Variants in TPR observed in about 807,000 individuals in gnomAD.
TPR encodes translocated promoter region, nuclear basket protein, also known as nucleoprotein TPR.
A neutral mutation model predicts 316.1 loss-of-function variants in TPR; 51 were observed. The ratio of observed to expected loss-of-function variants is 0.16; its 90% CI spans 0.13 to 0.20. The LOEUF (loss-of-function observed/expected upper bound fraction) is 0.20. Among genes scored for constraint, TPR ranks in the 10% least tolerant of loss-of-function variants. The pLI is 1.00. For missense variants in TPR, 2,272 were observed against 2,754.8 expected (o/e 0.82, Z 3.92); for synonymous variants, 981 against 914.7 (o/e 1.07, Z -1.31).
chr1:186,375,212 G>C lies in TPR; in HGVS notation c.-184C>G, dbSNP rs960639566. ...CTGGGAAATCGAGTCCACCCTCAGCGGCAGCGTTTCAGCAACAGCACCTCA... is the reference window on the plus strand; with the variant it reads ...CTGGGAAATCGAGTCCACCCTCAGCCGCAGCGTTTCAGCAACAGCACCTCA... On this transcript the variant is annotated 5_prime_UTR_variant, in exon 1 of 51. Coordinates refer to ENST00000367478, the MANE Select transcript of TPR (RefSeq NM_003292.3). 34 of 1,494,940 alleles carry C rather than the reference G, an allele frequency of 2.3e-5. No individual in the cohort carries two copies. The highest frequency in any genetic ancestry group is 2.8e-5 in the Non-Finnish European group (31 of 1,120,612). 92.6% of individuals were successfully genotyped at this position (1,494,940 alleles called of 1,614,324 possible).
chr1:186,321,661 G>A (rs528680551), intron 45 of TPR, among the ~76,000 whole-genome samples: 25 of 152,238 alleles, frequency 1.6e-4, no homozygotes, highest in South Asian at 6.2e-4. Context: ...AATATCATCC[G>A]CGTTAAATCA....
chr1:186,325,902 T>TA (rs747523248), intron 41 of TPR, 48 bp from the exon 42 acceptor site: 11 of 1,594,420 alleles, frequency 6.9e-6, no homozygotes, highest in Non-Finnish European at 7.7e-6. Context: ...ATAAATATGT[T>TA]AAAAAAACCG....
At chr1:186,314,808 T>C (rs1006130208) in intron 49 of TPR, 84 bp from the exon 50 acceptor site, 2 of 793,870 alleles carry the variant, frequency 2.5e-6, no homozygotes, top group Admixed American at 5.0e-5. Context: ...ACTAAATGAA[T>C]GAATGAATAA....
chr1:186,353,920 A>G lies in TPR; in HGVS notation c.2172-70T>C. On this transcript the variant is annotated intron_variant, in intron 17 of 50. Transcript: ENST00000367478. ...TAGCTTAATCCCTTGAAGAAATTTCACAATAGCTTAACCCATTTCCCCAAA... is the reference window on the plus strand; with the variant it reads ...TAGCTTAATCCCTTGAAGAAATTTCGCAATAGCTTAACCCATTTCCCCAAA... 2.1e-6 allele frequency: 3 copies of G among 1,444,496 alleles called. No individual in the cohort carries two copies. The South Asian group carries it at 3.9e-5, about 19-fold the overall frequency. 89.5% of individuals were successfully genotyped at this position (1,444,496 alleles called of 1,614,324 possible).
At chr1:186,372,167 G>A (rs1023961270) in intron 2 of TPR, among the ~76,000 whole-genome samples, 1 of 152,216 alleles carries the variant, frequency 6.6e-6, no homozygotes, top group Non-Finnish European at 1.5e-5. Context: ...GACCCATTAA[G>A]AAGGAAAGCT....
rs760243681 is a variant in TPR, at chr1:186,313,967, C to A, written c.*4G>T. The A allele has an allele frequency of 1.2e-6, 2 of 1,611,212 alleles. No individual in the cohort carries two copies. Among genetic ancestry groups the A allele is most frequent in the Non-Finnish European group, 8.5e-7 (1 of 1,178,496 alleles). ...ATTCACAGTTGTTATTGTTTACAGA[C>A]CATTTAATTAATATTTCCTCTGTTT... On this transcript the variant is annotated 3_prime_UTR_variant, in exon 51 of 51. Coordinates refer to ENST00000367478, the MANE Select transcript of TPR (RefSeq NM_003292.3).
chr1:186,369,518 T>C (rs1463827325), intron 3 of TPR, among the ~76,000 whole-genome samples: 1 of 152,140 alleles, frequency 6.6e-6, no homozygotes, highest in Non-Finnish European at 1.5e-5. Flanking sequence ...TAATGAAATC[T>C]TTTCTTAATT....
rs753689356 is a variant in TPR, at chr1:186,325,752, T to TA, written c.6112+11dup. On this transcript the variant is annotated intron_variant, in intron 42 of 50. Coordinates refer to ENST00000367478, the MANE Select transcript of TPR (RefSeq NM_003292.3). ...AGATATTCAATTCAAAAAAGGCTAA[T>TA]AAAAATCTCACCACTGTTTTGAGAA... The TA allele has an allele frequency of 1.9e-6, 3 of 1,608,582 alleles. No homozygotes were observed. The highest frequency in any genetic ancestry group is 1.7e-6 in the Non-Finnish European group (2 of 1,176,764).
In TPR at chr1:186,360,014, G is replaced by A. The variant is rs1394388705; in HGVS notation, c.1192-18C>T. On this transcript the variant is annotated intron_variant, in intron 11 of 50. Coordinates refer to ENST00000367478, the MANE Select transcript of TPR (RefSeq NM_003292.3). ...TTATAGAGCTGAAAGTAGACAAAGG[G>A]TTGTTTCAAATCTAACCATAACAAC... 1 of 1,599,856 alleles carries A rather than the reference G, an allele frequency of 6.3e-7. No individual in the cohort carries two copies. Among genetic ancestry groups the A allele is most frequent in the Non-Finnish European group, 8.5e-7 (1 of 1,176,386 alleles).
rs563382878 is a variant in TPR at position 186,327,746 on chromosome 1, T to G, written c.5689-86A>C. 6.0e-6 allele frequency: 7 copies of G among 1,166,136 alleles called. No homozygotes were observed. The South Asian group carries it at 9.8e-5, about 16-fold the overall frequency. 72.2% of individuals were successfully genotyped at this position (1,166,136 alleles called of 1,614,324 possible). On this transcript the variant is annotated intron_variant, in intron 39 of 50. Transcript: ENST00000367478. ...TGTGAGGTATTATTATAGGTCAAAG[T>G]AAAGAATAATGAGTACTTATGGACT...
chr1:186,369,157 AAC>A (rs1452306551), intron 3 of TPR, among the ~76,000 whole-genome samples: 1 of 152,184 alleles, frequency 6.6e-6, no homozygotes, highest in East Asian at 1.9e-4. Context: ...ATAGTTTTAT[AAC>A]AGTTTTCTAA....
At chr1:186,365,301 G>C (rs1408599128) in intron 4 of TPR, among the ~76,000 whole-genome samples, 2 of 151,970 alleles carry the variant, frequency 1.3e-5, no homozygotes, top group African/African-American at 4.8e-5. Flanking sequence ...CTGCCATGTT[G>C]ACCAGGCTAG....
intron 48 of TPR, 120 bp downstream of exon 48, chr1:186,318,327 C>CA (rs112634226): frequency 0.14 from 128,127 of 885,500 alleles, 7 homozygotes; most frequent in South Asian, 0.18. Context: ...GACTCTGTCT[C>CA]AAAAAAAAAA....
Position 186,341,281 on chromosome 1 carries a change from C to G in TPR, c.3859G>C (p.Glu1287Gln). ...GCTTGCATTTGCTGTAGATCCTGTT[C>G]TAGTCTCTCCTTCTCTTCTCTTAGC... ...KMLREEKERL[E>Q]QDLQQMQAKV... The change falls in exon 28 of 51, where the codon GAA becomes CAA. Residue 1287 changes from glutamate (E) to glutamine (Q), a missense_variant. Glu to Gln is a conservative substitution (Grantham distance 29, BLOSUM62 2). Coordinates refer to ENST00000367478, the MANE Select transcript of TPR (RefSeq NM_003292.3). The G allele has an allele frequency of 6.2e-7, 1 of 1,614,042 alleles. No homozygotes were observed. The highest frequency in any genetic ancestry group is 8.5e-7 in the Non-Finnish European group (1 of 1,180,008).
At chr1:186,317,678 T>C (rs1487377310) in intron 48 of TPR, 78 bp from the exon 49 acceptor site, 2 of 1,324,514 alleles carry the variant, frequency 1.5e-6, no homozygotes, top group African/African-American at 3.0e-5. Context: ...TTTAAATCTA[T>C]TTTATCACTT....
Position 186,374,718 on chromosome 1 carries a change from C to T in TPR, c.151+160G>A, listed in dbSNP as rs183255745. 6.4e-4 allele frequency among the ~76,000 whole-genome samples: 97 copies of T among 152,212 alleles called. 1 individual carries two copies. Among genetic ancestry groups the T allele is most frequent in the African/African-American group, 2.3e-3 (94 of 41,520 alleles). On this transcript the variant is annotated intron_variant, in intron 1 of 50. Transcript: ENST00000367478. ...GATTTTTTTTTCAAAGGCTTCTTAT[C>T]AAACTGTAAGGAGCAGGAAAGCGAA...
intron 42 of TPR, 115 bp downstream of exon 42, chr1:186,325,649 G>T: frequency 2.5e-6 from 2 of 796,258 alleles, no homozygotes; most frequent in Non-Finnish European, 1.9e-6. Flanking sequence ...CTAGAACAGG[G>T]GCCAATCTCT....
At chr1:186,343,617 G>A (rs1571618989) in intron 26 of TPR, 144 bp from the exon 27 acceptor site, 5 of 812,512 alleles carry the variant, frequency 6.2e-6, no homozygotes, top group South Asian at 6.1e-5. Context: ...AATGGGAGAT[G>A]TATTTCTATT....
chr1:186,341,138 T>C lies in TPR; in HGVS notation c.3910A>G (p.Ile1304Val). ...QAKVRKLELD[I>V]LPLQEANAEL... ...GCATTTGCTTCTTGTAAGGGTAAAA[T>C]ATCTAACTCCAGTTTCCTCACCTGA... Residue 1304 changes from isoleucine (I) to valine (V), a missense_variant, in exon 29 of 51, where the codon ATT becomes GTT. Physicochemically the swap from Ile to Val is conservative, Grantham distance 29. Coordinates refer to ENST00000367478, the MANE Select transcript of TPR (RefSeq NM_003292.3). 6.2e-7 allele frequency: 1 copy of C among 1,614,088 alleles called. No homozygotes were observed. Among genetic ancestry groups the C allele is most frequent in the Non-Finnish European group, 8.5e-7 (1 of 1,179,986 alleles).
Sources: allele counts gnomAD v4.1 joint callset (sites outside exome capture counted in the v4.1 genomes callset), GRCh38; gene constraint gnomAD v4.1.1; transcripts MANE v1.5; gene names NCBI Gene and HGNC (gene_info 2026-07-23, HGNC 2026-07-21).